The following GRIN2A variants were observed in gnomAD, a reference collection of about 807,000 sequenced individuals.
GRIN2A encodes glutamate ionotropic receptor NMDA type subunit 2A.
Under a neutral mutation model 113.4 loss-of-function variants are expected in GRIN2A, and 22 were observed. The observed-to-expected ratio is 0.19, with a 90% CI of 0.14 to 0.28. GRIN2A has a LOEUF of 0.28. Ranked by LOEUF, GRIN2A falls within the 10% of genes least tolerant of loss-of-function variation. GRIN2A has a pLI of 1.00. For missense variants in GRIN2A, 1,502 were observed against 1,887.0 expected, an observed-to-expected ratio of 0.80 and a Z score of 3.78; for synonymous variants, 827 against 738.4, an observed-to-expected ratio of 1.12 and a Z score of -1.94.
At chr16:9,766,984 TTAGA>T (rs1296802222) in intron 12 of GRIN2A, among the ~76,000 whole-genome samples, 1 of 152,176 alleles carries the variant, frequency 6.6e-6, no homozygotes, top group African/African-American at 2.4e-5. Flanking sequence ...TAGCAGTGTT[TTAGA>T]TAGATAGAGG....
chr16:9,897,562 C>T (rs902394396), intron 3 of GRIN2A, among the ~76,000 whole-genome samples: 2 of 152,234 alleles, frequency 1.3e-5, no homozygotes, highest in South Asian at 4.1e-4. Context: ...TGTAAAAATA[C>T]ACACAGAATT....
chr16:9,888,868 T>C (rs562550055), intron 4 of GRIN2A, among the ~76,000 whole-genome samples: 8 of 152,120 alleles, frequency 5.3e-5, no homozygotes, highest in Non-Finnish European at 1.0e-4. Flanking sequence ...AATGACCATA[T>C]TTCCCCCTTT....
intron 2 of GRIN2A, among the ~76,000 whole-genome samples, chr16:10,029,936 G>T (rs948221751): frequency 3.9e-5 from 6 of 152,144 alleles, no homozygotes; most frequent in Non-Finnish European, 7.3e-5. Flanking sequence ...GGCAGAGGTT[G>T]CAGTGAGCTG....
intron 9 of GRIN2A, among the ~76,000 whole-genome samples, chr16:9,824,766 C>T (rs1007849489): frequency 3.9e-5 from 6 of 152,142 alleles, no homozygotes; most frequent in Non-Finnish European, 7.3e-5. Context: ...CTGTGATATA[C>T]TCTGAGGTTA....
At position 9,754,411 on chromosome 16, in the gene GRIN2A, T is replaced by G. The variant is rs1900277347; in HGVS notation, c.*8738A>C. The G allele has an allele frequency of 9.5e-6, 2 of 210,738 alleles. No homozygotes were observed. The highest frequency in any genetic ancestry group is 1.2e-4 in the Admixed American group (2 of 16,928). 13.1% of individuals were successfully genotyped at this position (210,738 alleles called of 1,614,324 possible). A position where few individuals can be genotyped will look rare whatever the true frequency, so the allele number is the denominator to read the frequency against. On this transcript the variant is annotated 3_prime_UTR_variant, in exon 13 of 13. Transcript: ENST00000330684. Reference sequence around the variant, plus strand: ...TGAATTTTCTATGAAAATGTTATTCTTGAACTTATATCTTAAGTAGGCAAT... The same window carrying G: ...TGAATTTTCTATGAAAATGTTATTCGTGAACTTATATCTTAAGTAGGCAAT...
In GRIN2A at chr16:10,045,898, C is replaced by G. The variant is rs146309557; in HGVS notation, c.415-107347G>C. Among the ~76,000 whole-genome samples the G allele has an allele frequency of 9.2e-5, 14 of 152,320 alleles. No homozygotes were observed. In the East Asian group the frequency reaches 2.5e-3, roughly 27 times the overall value. On this transcript the variant is annotated intron_variant, in intron 2 of 12. Transcript: ENST00000330684. ...TCAACCTCTGCACTACTGACCAGAT[C>G]GTGTTTCTTTGCTGGGTGGGCTGTC... is the stretch of plus-strand genomic sequence containing the variant.
chr16:9,993,210 G>A (rs2046157635), intron 2 of GRIN2A, among the ~76,000 whole-genome samples: 1 of 152,084 alleles, frequency 6.6e-6, no homozygotes, highest in Non-Finnish European at 1.5e-5. Context: ...TCCAGCCTCG[G>A]CTACACAGCA....
intron 2 of GRIN2A, chr16:9,943,286 T>G (rs539934494): frequency 6.6e-6 from 1 of 152,364 alleles, no homozygotes; most frequent in East Asian, 1.9e-4. Context: ...TCTCTCCCCA[T>G]GCTCACTGCT....
At chr16:9,852,146 G>A (rs1020700445) in intron 4 of GRIN2A, among the ~76,000 whole-genome samples, 24 of 151,988 alleles carry the variant, frequency 1.6e-4, no homozygotes, top group Admixed American at 6.6e-5. Flanking sequence ...TTCCAACTTC[G>A]TAGTTCAGGA....
At chr16:9,889,630 T>C (rs1469679452) in intron 4 of GRIN2A, among the ~76,000 whole-genome samples, 1 of 152,224 alleles carries the variant, frequency 6.6e-6, no homozygotes, top group African/African-American at 2.4e-5. Flanking sequence ...TTCAATCTTA[T>C]TCCTCAAATT....
intron 10 of GRIN2A, among the ~76,000 whole-genome samples, chr16:9,821,221 T>C (rs1206444391): frequency 6.6e-6 from 1 of 152,186 alleles, no homozygotes; most frequent in Non-Finnish European, 1.5e-5. Context: ...ATGCCCCATA[T>C]GAGCTAATTT....
rs144461568 is a variant in GRIN2A, at chr16:9,877,079, A to C, written c.1122+13907T>G. On this transcript the variant is annotated intron_variant, in intron 4 of 12. Coordinates refer to ENST00000330684, the MANE Select transcript of GRIN2A (RefSeq NM_001134407.3). ...TGTGCAAAGTACTGGAACAAGCACT[A>C]AACTTGGAGACTCACAAGACCTAAA... Among the ~76,000 whole-genome samples, 17 of 152,326 alleles carry C rather than the reference A, an allele frequency of 1.1e-4. No individual in the cohort carries two copies. In the East Asian group the frequency reaches 3.3e-3, roughly 29 times the overall value.
chr16:10,178,022 T>C lies in GRIN2A; in HGVS notation c.414+1976A>G, dbSNP rs542608337. On this transcript the variant is annotated intron_variant, in intron 2 of 12. Coordinates refer to ENST00000330684, the MANE Select transcript of GRIN2A (RefSeq NM_001134407.3). ...ATTCAGCTTTTCCCAGATTTCTCCA[T>C]TGGGTTGTGCCAAACCCTCATGGAT... is the stretch of plus-strand genomic sequence containing the variant. 1.2e-4 allele frequency among the ~76,000 whole-genome samples: 18 copies of C among 152,342 alleles called. No individual in the cohort carries two copies. In the East Asian group the frequency reaches 3.3e-3, roughly 28 times the overall value.
At chr16:10,173,040 GC>G (rs1205244789) in intron 2 of GRIN2A, among the ~76,000 whole-genome samples, 1 of 152,152 alleles carries the variant, frequency 6.6e-6, no homozygotes, top group Non-Finnish European at 1.5e-5. Flanking sequence ...GCTCTTCAGG[GC>G]CCAAACGATT....
At chr16:9,903,469 G>C (rs1292128782) in intron 3 of GRIN2A, among the ~76,000 whole-genome samples, 2 of 152,110 alleles carry the variant, frequency 1.3e-5, no homozygotes, top group Non-Finnish European at 2.9e-5. Flanking sequence ...ATTCAAAAAG[G>C]GATACCTTAA....
At chr16:9,901,495 T>C (rs887956882) in intron 3 of GRIN2A, among the ~76,000 whole-genome samples, 3 of 152,238 alleles carry the variant, frequency 2.0e-5, no homozygotes, top group Admixed American at 6.5e-5. Context: ...CAGTCTTGTC[T>C]GTCACCCCAG....
At chr16:9,941,333 C>A (rs1217935409) in intron 2 of GRIN2A, among the ~76,000 whole-genome samples, 2 of 152,188 alleles carry the variant, frequency 1.3e-5, no homozygotes, top group Non-Finnish European at 2.9e-5. Flanking sequence ...GTGCACAGAG[C>A]AAAGCTGTAA....
chr16:9,908,966 G>A (rs1170661848), intron 3 of GRIN2A, among the ~76,000 whole-genome samples: 1 of 152,170 alleles, frequency 6.6e-6, no homozygotes, highest in Admixed American at 6.5e-5. Flanking sequence ...TGAGTGAGAG[G>A]TTGACTTAAG....
intron 4 of GRIN2A, among the ~76,000 whole-genome samples, chr16:9,880,691 G>A (rs1387944527): frequency 1.3e-5 from 2 of 152,158 alleles, no homozygotes; most frequent in African/African-American, 2.4e-5. Context: ...TTCTCCAGAT[G>A]GGCCTTGGGC....
Sources: gnomAD v4.1 joint callset for allele counts (sites outside exome capture counted in the v4.1 genomes callset) on GRCh38, gnomAD v4.1.1 for gene constraint, MANE v1.5 for transcripts, NCBI Gene and HGNC (gene_info 2026-07-23, HGNC 2026-07-21) for gene names.